EYA1: variants seen among roughly 807,000 people sequenced by gnomAD.
EYA1 encodes the protein protein phosphatase EYA1.
A neutral mutation model predicts 82.0 loss-of-function variants in EYA1; 16 were observed. The observed-to-expected ratio is 0.20, with a 90% CI of 0.13 to 0.30. The LOEUF (loss-of-function observed/expected upper bound fraction) is 0.30, where lower values mean the gene tolerates loss of function less well. Among genes scored for constraint, EYA1 ranks in the 10% least tolerant of loss-of-function variants. The pLI, the probability that EYA1 is intolerant of heterozygous loss-of-function variation, is 1.00. For synonymous variants in EYA1, 261 were observed against 264.4 expected (o/e 0.99, Z 0.12); for missense variants, 633 against 730.7 (o/e 0.87, Z 1.54).
At chr8:71,533,278 T>C (rs574462820) in intron 2 of EYA1, among the ~76,000 whole-genome samples, 68 of 152,318 alleles carry the variant, frequency 4.5e-4, no homozygotes, top group Non-Finnish European at 8.2e-4. Flanking sequence ...ATACATTTTA[T>C]CTTAAAAAAC....
intron 2 of EYA1, among the ~76,000 whole-genome samples, chr8:71,423,159 G>A (rs934507547): frequency 6.6e-6 from 1 of 152,058 alleles, no homozygotes; most frequent in African/African-American, 2.4e-5. Flanking sequence ...GTTGTTATTG[G>A]GTATGGGGGT....
At chr8:71,371,046 G>A (rs1828052249) in intron 2 of EYA1, among the ~76,000 whole-genome samples, 1 of 152,082 alleles carries the variant, frequency 6.6e-6, no homozygotes, top group African/African-American at 2.4e-5. Flanking sequence ...AGCAATCAAA[G>A]TTACACCACC....
intron 2 of EYA1, among the ~76,000 whole-genome samples, chr8:71,444,730 A>T (rs1444366861): frequency 6.6e-6 from 1 of 152,212 alleles, no homozygotes; most frequent in Non-Finnish European, 1.5e-5. Context: ...AGAATTTTAT[A>T]TCTGAACTTA....
At chr8:71,493,484 T>C (rs556631023) in intron 2 of EYA1, among the ~76,000 whole-genome samples, 16 of 152,244 alleles carry the variant, frequency 1.1e-4, no homozygotes, top group Middle Eastern at 3.4e-3. Flanking sequence ...GGAATTTAGA[T>C]TTAAAGAAGC....
intron 2 of EYA1, among the ~76,000 whole-genome samples, chr8:71,385,131 TC>T (rs1828906224): frequency 6.6e-6 from 1 of 152,136 alleles, no homozygotes; most frequent in Non-Finnish European, 1.5e-5. Context: ...TATCTGAGCC[TC>T]CTGAGTAGAA....
At chr8:71,309,811 C>T (rs1212548096) in intron 7 of EYA1, among the ~76,000 whole-genome samples, 1 of 152,180 alleles carries the variant, frequency 6.6e-6, no homozygotes, top group Non-Finnish European at 1.5e-5. Context: ...TGTGCCTCTT[C>T]CACGTACCCT....
intron 12 of EYA1, 131 bp downstream of exon 12, chr8:71,244,472 T>TTATCAACAAACCTC: frequency 1.6e-6 from 1 of 608,196 alleles, no homozygotes; most frequent in South Asian, 1.9e-5. Context: ...GCAAAACACA[T>TTATCAACAAACCTC]TGCCATATTA....
At chr8:71,407,930 CA>C (rs200989968) in intron 2 of EYA1, among the ~76,000 whole-genome samples, 23,939 of 149,940 alleles carry the variant, frequency 0.16, 2,154 homozygotes, top group African/African-American at 0.24. Flanking sequence ...TCAGATTCAC[CA>C]AAGTTGAAAT....
chr8:71,408,298 G>A (rs1383008992), intron 2 of EYA1, among the ~76,000 whole-genome samples: 3 of 151,892 alleles, frequency 2.0e-5, no homozygotes, highest in Admixed American at 6.6e-5. Flanking sequence ...TCGAGACTAG[G>A]AAGAAACTGC....
At position 71,299,129 on chromosome 8, in the gene EYA1, C is replaced by G. The variant is rs10098224; in HGVS notation, c.744G>C (p.Thr248=). 2 of 1,613,956 alleles carry G rather than the reference C, an allele frequency of 1.2e-6. No individual in the cohort carries two copies. The highest frequency in any genetic ancestry group is 3.3e-5 in the Admixed American group (2 of 59,986). The change falls in exon 9 of 18, where the codon ACG becomes ACC. Residue 248 remains threonine (T), a synonymous_variant. Transcript: ENST00000340726. ...GGTAAGTGGCATTGGTGGATGGTGT[C>G]GTTGGGCTGGTGTTGCTGCTGGTCA... ...HYMTSSNTSP[T]TPSTNATYQL...
At chr8:71,396,741 G>A (rs908054024) in intron 2 of EYA1, among the ~76,000 whole-genome samples, 6 of 152,184 alleles carry the variant, frequency 3.9e-5, no homozygotes, top group African/African-American at 1.4e-4. Flanking sequence ...TAAGTGTGAT[G>A]TGGTGCTAAG....
intron 7 of EYA1, 66 bp downstream of exon 7, chr8:71,317,486 G>A: frequency 6.6e-7 from 1 of 1,525,114 alleles, no homozygotes. Context: ...GGAACATCAG[G>A]TTCTACTTTA....
intron 5 of EYA1, 123 bp from the exon 6 acceptor site, chr8:71,322,002 G>C: frequency 7.3e-7 from 1 of 1,364,212 alleles, no homozygotes; most frequent in Non-Finnish European, 1.0e-6. Flanking sequence ...CTTTCACACA[G>C]AATTGACAAA....
intron 8 of EYA1, 144 bp downstream of exon 8, chr8:71,299,494 A>T: frequency 1.4e-6 from 1 of 709,476 alleles, no homozygotes; most frequent in Non-Finnish European, 2.4e-6. Flanking sequence ...AACTCACCAC[A>T]AAAGACTGCT....
intron 2 of EYA1, among the ~76,000 whole-genome samples, chr8:71,387,748 G>C (rs1242213443): frequency 6.6e-6 from 1 of 152,028 alleles, no homozygotes; most frequent in Non-Finnish European, 1.5e-5. Flanking sequence ...GGTACCCATG[G>C]GATATCTTGG....
At chr8:71,404,709 G>A (rs1830120035) in intron 2 of EYA1, 1 of 151,960 alleles carries the variant, frequency 6.6e-6, no homozygotes, top group Non-Finnish European at 1.5e-5. Context: ...ACGACGTCAG[G>A]AGATCGAGAC....
intron 2 of EYA1, among the ~76,000 whole-genome samples, chr8:71,386,422 T>C (rs1317739062): frequency 6.6e-6 from 1 of 152,174 alleles, no homozygotes; most frequent in African/African-American, 2.4e-5. Context: ...TCCAAGGTTT[T>C]GAAAAAAGCC....
At chr8:71,501,779 GA>G (rs1337311771) in intron 2 of EYA1, among the ~76,000 whole-genome samples, 1 of 152,178 alleles carries the variant, frequency 6.6e-6, no homozygotes, top group Non-Finnish European at 1.5e-5. Flanking sequence ...ACTCCAGCCG[GA>G]AAGTCAGTTT....
At chr8:71,464,031 C>T (rs530193330) in intron 2 of EYA1, among the ~76,000 whole-genome samples, 15 of 152,268 alleles carry the variant, frequency 9.9e-5, no homozygotes, top group African/African-American at 3.6e-4. Context: ...ATTATAATAA[C>T]AGAACCCACT....
Sources: gnomAD v4.1 joint callset for allele counts (sites outside exome capture counted in the v4.1 genomes callset) on GRCh38, gnomAD v4.1.1 for gene constraint, MANE v1.5 for transcripts, NCBI Gene and HGNC (gene_info 2026-07-23, HGNC 2026-07-21) for gene names.